Variants in GRM8 observed in about 807,000 individuals in gnomAD.
GRM8 encodes the protein glutamate metabotropic receptor 8.
Under a neutral mutation model 87.2 loss-of-function variants are expected in GRM8, and 47 were observed. The observed-to-expected ratio is 0.54, with a 90% CI of 0.43 to 0.69. The LOEUF (loss-of-function observed/expected upper bound fraction) is 0.69, where lower values mean the gene tolerates loss of function less well. GRM8 is among the 30% of genes least tolerant of loss of function. The probability of loss-of-function intolerance (pLI) is 0.00; values close to 1 mark genes in which losing one functional copy is unlikely to be tolerated. For synonymous variants in GRM8, 396 were observed against 404.5 expected (o/e 0.98, Z 0.25); for missense variants, 1,019 against 1,139.2 (o/e 0.89, Z 1.52).
intron 7 of GRM8, among the ~76,000 whole-genome samples, chr7:126,642,163 T>G (rs1802472189): frequency 6.6e-6 from 1 of 152,190 alleles, no homozygotes; most frequent in South Asian, 2.1e-4. Context: ...ACACATTTCC[T>G]ACACACAAAC....
chr7:127,010,033 G>T (rs1814723206), intron 3 of GRM8, among the ~76,000 whole-genome samples: 1 of 151,898 alleles, frequency 6.6e-6, no homozygotes. Context: ...AGTAGTGTCA[G>T]GGTTTCACCA....
intron 2 of GRM8, among the ~76,000 whole-genome samples, chr7:127,237,034 A>G (rs759128625): frequency 1.5e-4 from 23 of 152,320 alleles, no homozygotes; most frequent in Non-Finnish European, 2.2e-4. Context: ...GGAAAGTGAG[A>G]AAAGGATCCC....
At chr7:126,657,875 T>C (rs1804710344) in intron 7 of GRM8, among the ~76,000 whole-genome samples, 2 of 152,254 alleles carry the variant, frequency 1.3e-5, no homozygotes, top group African/African-American at 4.8e-5. Context: ...GCCTGTGGCC[T>C]GTGTATGCAT....
chr7:127,140,461 AC>A (rs1416397277), intron 2 of GRM8, among the ~76,000 whole-genome samples: 10 of 152,272 alleles, frequency 6.6e-5, no homozygotes, highest in African/African-American at 2.4e-4. Flanking sequence ...CTACAATGTA[AC>A]TATTTAAAAG....
chr7:126,812,126 A>G (rs898793590), intron 6 of GRM8, among the ~76,000 whole-genome samples: 3 of 152,166 alleles, frequency 2.0e-5, no homozygotes, highest in African/African-American at 7.2e-5. Context: ...AAATTTATAC[A>G]AATAGCTTTT....
chr7:127,126,570 A>G (rs1312903377), intron 2 of GRM8, among the ~76,000 whole-genome samples: 8 of 151,992 alleles, frequency 5.3e-5, no homozygotes, highest in African/African-American at 1.4e-4. Flanking sequence ...AGACTTCACC[A>G]CTATATAATA....
At chr7:126,952,081 C>A in intron 3 of GRM8, among the ~76,000 whole-genome samples, 1 of 150,652 alleles carries the variant, frequency 6.6e-6, no homozygotes, top group East Asian at 1.9e-4. Flanking sequence ...AGGACTAGAG[C>A]AGGAGGAAAA....
At chr7:126,488,677 G>C (rs1807644516) in intron 9 of GRM8, among the ~76,000 whole-genome samples, 1 of 151,644 alleles carries the variant, frequency 6.6e-6, no homozygotes, top group South Asian at 2.1e-4. Context: ...CTATACTATT[G>C]GATATGTACT....
chr7:126,732,075 TCTTA>T (rs1466539551), intron 7 of GRM8, among the ~76,000 whole-genome samples: 4 of 152,060 alleles, frequency 2.6e-5, no homozygotes, highest in Non-Finnish European at 2.9e-5. Context: ...TCACCAAAAC[TCTTA>T]CTTAAATGTG....
intron 3 of GRM8, among the ~76,000 whole-genome samples, chr7:126,950,114 A>G (rs1207482270): frequency 2.0e-5 from 3 of 152,206 alleles, no homozygotes; most frequent in Non-Finnish European, 4.4e-5. Flanking sequence ...CTGCATTTAC[A>G]AAATATATAG....
intron 7 of GRM8, among the ~76,000 whole-genome samples, chr7:126,736,236 C>G (rs891582273): frequency 6.6e-6 from 1 of 152,068 alleles, no homozygotes; most frequent in Non-Finnish European, 1.5e-5. Flanking sequence ...TACACATGTA[C>G]GGTCTCTTCT....
intron 3 of GRM8, among the ~76,000 whole-genome samples, chr7:126,907,193 G>C (rs1563305041): frequency 6.6e-6 from 1 of 150,724 alleles, no homozygotes; most frequent in Non-Finnish European, 1.5e-5. Flanking sequence ...GAAGGAGGAG[G>C]AGCAGATGGA....
At chr7:126,508,949 G>A (rs1327292954) in intron 9 of GRM8, among the ~76,000 whole-genome samples, 1 of 151,982 alleles carries the variant, frequency 6.6e-6, no homozygotes, top group Non-Finnish European at 1.5e-5. Context: ...TAAATGGAGG[G>A]CATCACCAGG....
intron 2 of GRM8, among the ~76,000 whole-genome samples, chr7:127,107,810 C>A (rs1045231181): frequency 7.2e-5 from 11 of 152,170 alleles, no homozygotes; most frequent in East Asian, 1.9e-4. Context: ...ATCTAAATAA[C>A]CTTCCTAAGT....
intron 6 of GRM8, among the ~76,000 whole-genome samples, chr7:126,802,549 C>T (rs1822834597): frequency 6.6e-6 from 1 of 152,086 alleles, no homozygotes; most frequent in South Asian, 2.1e-4. Context: ...AAAAAAGGAG[C>T]TCCTGTCATT....
intron 3 of GRM8, among the ~76,000 whole-genome samples, chr7:126,997,761 A>G (rs1813329592): frequency 6.6e-6 from 1 of 151,922 alleles, no homozygotes; most frequent in Non-Finnish European, 1.5e-5. Context: ...GAACAGACCA[A>G]TAACAAAGTA....
intron 3 of GRM8, among the ~76,000 whole-genome samples, chr7:127,089,412 C>T (rs1255165133): frequency 1.3e-5 from 2 of 152,178 alleles, no homozygotes; most frequent in Admixed American, 1.3e-4. Flanking sequence ...TTGAGCCACC[C>T]AGTGTGTGGT....
At chr7:126,724,015 G>T (rs1467450927) in intron 7 of GRM8, among the ~76,000 whole-genome samples, 1 of 152,006 alleles carries the variant, frequency 6.6e-6, no homozygotes, top group Admixed American at 6.6e-5. Context: ...TTACATAGAG[G>T]GCATACATTT....
chr7:127,025,695 G>A (rs1329817734), intron 3 of GRM8, among the ~76,000 whole-genome samples: 3 of 151,714 alleles, frequency 2.0e-5, no homozygotes, highest in Non-Finnish European at 2.9e-5. Flanking sequence ...TCAATATCCT[G>A]TCCAGAGACA....
Sources: allele counts gnomAD v4.1 joint callset (sites outside exome capture counted in the v4.1 genomes callset), GRCh38; gene constraint gnomAD v4.1.1; transcripts MANE v1.5; gene names NCBI Gene and HGNC (gene_info 2026-07-23, HGNC 2026-07-21).